The following CADM4 variants were observed in gnomAD, a reference collection of about 807,000 sequenced individuals.
The protein encoded by CADM4 is cell adhesion molecule 4.
A neutral mutation model predicts 43.9 loss-of-function variants in CADM4; 13 were observed. The ratio of observed to expected loss-of-function variants is 0.30; its 90% CI spans 0.19 to 0.47. The LOEUF is 0.47. Among genes scored for constraint, CADM4 ranks in the 20% least tolerant of loss-of-function variants. The probability of loss-of-function intolerance (pLI) is 1.00; values close to 1 mark genes in which losing one functional copy is unlikely to be tolerated. For missense variants in CADM4, 420 were observed against 527.0 expected (o/e 0.80, Z 1.99); for synonymous variants, 209 against 220.9 (o/e 0.95, Z 0.48).
At position 43,627,864 on chromosome 19, in the gene CADM4, TC is replaced by T; in HGVS notation, c.65-75del. 1.4e-6 allele frequency: 2 copies of T among 1,460,326 alleles called. No homozygotes were observed. The highest frequency in any genetic ancestry group is 1.9e-6 in the Non-Finnish European group (2 of 1,059,614). 90.5% of individuals were successfully genotyped at this position (1,460,326 alleles called of 1,614,324 possible). The stretch of plus-strand genomic sequence containing the variant: ...AATTCAATTTTTTCTTTCTCCCTCT[TC>T]CCCATCCAAACCTCCAATCCCTCTC... On this transcript the variant is annotated intron_variant, in intron 1 of 8. Transcript: ENST00000222374. The surrounding 1 kb of genome is among the most constrained non-coding windows in gnomAD (Gnocchi z 4.0).
rs1052127024 is a variant in CADM4 at position 43,625,102 on chromosome 19, C to G, written c.904G>C (p.Ala302Pro). 3 of 1,612,762 alleles carry G rather than the reference C, an allele frequency of 1.9e-6. No homozygotes were observed. Among genetic ancestry groups the G allele is most frequent in the Non-Finnish European group, 2.5e-6 (3 of 1,179,452 alleles). ...EASNKHGHAR[A>P]LYVLVVYDPG... The stretch of plus-strand genomic sequence containing the variant: ...CCGTAGACCACAAGTACGTAGAGCG[C>G]CCTCGCATGGCCGTGCTTATTGGAC... The change falls in exon 7 of 9, where the codon GCG (alanine) becomes CCG (proline). Residue 302 changes from alanine (A) to proline (P), a missense_variant. Physicochemically the swap from Ala to Pro is conservative, Grantham distance 27. Coordinates refer to ENST00000222374, the MANE Select transcript of CADM4 (RefSeq NM_145296.2). The surrounding 1 kb of genome is among the most constrained non-coding windows in gnomAD (Gnocchi z 4.5).
In CADM4 at chr19:43,625,038, G is replaced by GC; in HGVS notation, c.928+39dup. ...TCAAGCCCCGCCCCCGCCACCTGGC[G>GC]CCCCGCCCCCGCCCTCAGTCGGCCG... On this transcript the variant is annotated intron_variant, in intron 7 of 8. Transcript: ENST00000222374. This position sits in a 1 kb window ranked among gnomAD's most constrained non-coding sequence, Gnocchi z 4.5. 2.4e-6 allele frequency: 3 copies of GC among 1,269,628 alleles called. No homozygotes were observed. The highest frequency in any genetic ancestry group is 2.0e-6 in the Non-Finnish European group (2 of 980,098). 78.6% of individuals were successfully genotyped at this position (1,269,628 alleles called of 1,614,324 possible). A position where few individuals can be genotyped will look rare whatever the true frequency, so the allele number is the denominator to read the frequency against.
chr19:43,627,616 A>G lies in CADM4; in HGVS notation c.211+28T>C. On this transcript the variant is annotated intron_variant, in intron 2 of 8. Transcript: ENST00000222374. This position sits in a 1 kb window ranked among gnomAD's most constrained non-coding sequence, Gnocchi z 4.0. Reference sequence around the variant, plus strand: ...GGCCCCAGCCCTCTCTTCCTTTAAGACTCCTGAGTCTGGTCCCCAGCACTC... The same window carrying G: ...GGCCCCAGCCCTCTCTTCCTTTAAGGCTCCTGAGTCTGGTCCCCAGCACTC... 6.3e-7 allele frequency: 1 copy of G among 1,596,014 alleles called. No homozygotes were observed.
intron 1 of CADM4, among the ~76,000 whole-genome samples, chr19:43,635,833 C>T (rs1308859461): frequency 7.1e-6 from 1 of 140,148 alleles, no homozygotes; most frequent in Non-Finnish European, 1.5e-5. Context: ...AGCCCCTCCT[C>T]CCTCAGACTC....
At chr19:43,640,942 T>A (rs2146168941), upstream of CADM4, among the ~76,000 whole-genome samples, 3 of 151,862 alleles carry the variant, frequency 2.0e-5, 1 homozygote, top group Middle Eastern at 0.01. Context: ...GGTCCAGAAG[T>A]GCCAATTATG....
chr19:43,637,180 T>G (rs916441360), intron 1 of CADM4, among the ~76,000 whole-genome samples: 14 of 152,072 alleles, frequency 9.2e-5, no homozygotes, highest in Non-Finnish European at 1.9e-4. Flanking sequence ...GCTCAGAAGA[T>G]GAATGAACCA....
Position 43,625,897 on chromosome 19 carries a change from C to T in CADM4, c.755+14G>A, listed in dbSNP as rs1354890064. ...TTTCTCCTCCTGAGGACGCAGGAGG[C>T]CCCCAGAGCTCACCTGGGGTTCCCC... On this transcript the variant is annotated intron_variant, in intron 6 of 8. Transcript: ENST00000222374. This position sits in a 1 kb window ranked among gnomAD's most constrained non-coding sequence, Gnocchi z 4.5. 6.2e-7 allele frequency: 1 copy of T among 1,608,200 alleles called. No homozygotes were observed. The highest frequency in any genetic ancestry group is 8.5e-7 in the Non-Finnish European group (1 of 1,174,726).
At chr19:43,641,118 G>A (rs1320091416), upstream of CADM4, among the ~76,000 whole-genome samples, 4 of 152,010 alleles carry the variant, frequency 2.6e-5, no homozygotes, top group South Asian at 2.1e-4. Flanking sequence ...ACAGGCGCCC[G>A]CCACCATGCC....
In CADM4 at chr19:43,627,645, A is replaced by G. The variant is rs748263898; in HGVS notation, c.210T>C (p.Arg70=). 1 of 1,613,342 alleles carries G rather than the reference A, an allele frequency of 6.2e-7. No homozygotes were observed. Among genetic ancestry groups the G allele is most frequent in the East Asian group, 2.2e-5 (1 of 44,842 alleles). Residue 70 remains arginine, a splice_region_variant and synonymous_variant, in exon 2 of 9, where the codon CGT becomes CGC. Transcript: ENST00000222374. This position sits in a 1 kb window ranked among gnomAD's most constrained non-coding sequence, Gnocchi z 4.0. ...CTGAGTCTGGTCCCCAGCACTCACC[A>G]CGGGTGCCATTGAAGAAGAGGGTCT... is the stretch of plus-strand genomic sequence containing the variant. The part of the protein sequence containing the change: ...ARQTLFFNGT[R]ALKDERFQLE...
intron 1 of CADM4, among the ~76,000 whole-genome samples, chr19:43,638,182 C>T (rs1276776022): frequency 6.6e-6 from 1 of 152,158 alleles, no homozygotes. Flanking sequence ...CTCATCCTGG[C>T]CGAGGTGAGG....
intron 1 of CADM4, among the ~76,000 whole-genome samples, chr19:43,638,652 G>A (rs1829807410): frequency 1.3e-5 from 2 of 152,238 alleles, no homozygotes; most frequent in Admixed American, 6.5e-5. Flanking sequence ...CACAGTGTGT[G>A]ATGAGGGTAT....
rs151161681 is a variant in CADM4 at position 43,630,132 on chromosome 19, C to G, written c.65-2342G>C. 2.6e-3 allele frequency among the ~76,000 whole-genome samples: 395 copies of G among 151,652 alleles called. 1 individual carries two copies. The highest frequency in any genetic ancestry group is 4.2e-3 in the Non-Finnish European group (287 of 67,900). ...GTTGCCCAGGCTGGTCTTGAACTTG[C>G]GAGCTCAAGTGAACTGCCTGCTTCG... On this transcript the variant is annotated intron_variant, in intron 1 of 8. Transcript: ENST00000222374.
chr19:43,630,073 CTT>C (rs904792112), intron 1 of CADM4, among the ~76,000 whole-genome samples: 3 of 151,292 alleles, frequency 2.0e-5, no homozygotes, highest in African/African-American at 2.4e-5. Context: ...ACCTGGCTAA[CTT>C]TTGTATTTTT....
Position 43,625,192 on chromosome 19 carries a change from C to A in CADM4, c.814G>T (p.Val272Leu). 6.2e-7 allele frequency: 1 copy of A among 1,614,260 alleles called. No homozygotes were observed. Among genetic ancestry groups the A allele is most frequent in the Non-Finnish European group, 8.5e-7 (1 of 1,180,044 alleles). ...NESLPERAEA[V>L]GETLTLPGLV... ...CCCGGCAGCGTGAGCGTCTCTCCCA[C>A]GGCCTCCGCCCTCTCCGGCAAAGAC... Residue 272 changes from valine to leucine, a missense_variant, in exon 7 of 9, where the codon GTG becomes TTG. Physicochemically the swap from Val to Leu is conservative, Grantham distance 32. Coordinates refer to ENST00000222374, the MANE Select transcript of CADM4 (RefSeq NM_145296.2). The surrounding 1 kb of genome is among the most constrained non-coding windows in gnomAD (Gnocchi z 4.5).
At position 43,626,134 on chromosome 19, in the gene CADM4, C is replaced by G. The variant is rs763032114; in HGVS notation, c.654G>C (p.Leu218=). 2.5e-6 allele frequency: 4 copies of G among 1,613,838 alleles called. No homozygotes were observed. The Admixed American group carries it at 6.7e-5, about 27-fold the overall frequency. The stretch of plus-strand genomic sequence containing the variant: ...CCGCCGGTCACTTACACTGCACATC[C>G]AGCACGTACTGCGTCTGCTTGCTGT... The part of the protein sequence containing the change: ...SGHSKQTQYV[L]DVQYSPTARI... Residue 218 remains leucine, a synonymous_variant, in exon 5 of 9, where the codon CTG becomes CTC. Coordinates refer to ENST00000222374, the MANE Select transcript of CADM4 (RefSeq NM_145296.2). This position sits in a 1 kb window ranked among gnomAD's most constrained non-coding sequence, Gnocchi z 5.9.
chr19:43,640,736 T>C (rs1362306051), upstream of CADM4, among the ~76,000 whole-genome samples: 1 of 151,916 alleles, frequency 6.6e-6, no homozygotes, highest in East Asian at 1.9e-4. Context: ...GCCCTTCCTC[T>C]CTCCCCATCT....
rs3842421 is a variant in CADM4, at chr19:43,625,578, AAATAAT to A, written c.755+327_756-329del. Among the ~76,000 whole-genome samples the A allele has an allele frequency of 6.5e-4, 98 of 149,910 alleles. No individual in the cohort carries two copies. The highest frequency in any genetic ancestry group is 2.4e-3 in the African/African-American group (96 of 40,776). On this transcript the variant is annotated intron_variant, in intron 6 of 8. Transcript: ENST00000222374. The surrounding 1 kb of genome is among the most constrained non-coding windows in gnomAD (Gnocchi z 4.5). ...GGGAGACCCCGTCACTACAATTAAAAAATAATAATAATAATAATAATAATTCTAGCC... is the reference window on the plus strand; with the variant it reads ...GGGAGACCCCGTCACTACAATTAAAAAATAATAATAATAATAATTCTAGCC...
upstream of CADM4, among the ~76,000 whole-genome samples, chr19:43,640,037 G>T (rs1436066531): frequency 2.6e-5 from 4 of 151,244 alleles, no homozygotes; most frequent in Non-Finnish European, 5.9e-5. Context: ...GCGGGAAGGG[G>T]TGCGCGGGAG....
intron 7 of CADM4, 110 bp from the exon 8 acceptor site, chr19:43,624,352 A>G (rs1973489068): frequency 7.3e-7 from 1 of 1,370,498 alleles, no homozygotes. Flanking sequence ...GTGCCCTTTT[A>G]TGTGCCACAC....
Sources: gnomAD v4.1 joint callset for allele counts (sites outside exome capture counted in the v4.1 genomes callset) on GRCh38, gnomAD v4.1.1 for gene constraint, Gnocchi (gnomAD v3.1) non-coding constraint, MANE v1.5 for transcripts, NCBI Gene and HGNC (gene_info 2026-07-23, HGNC 2026-07-21) for gene names.